Variants in CHD6 observed in about 807,000 individuals in gnomAD.
The protein encoded by CHD6 is chromodomain helicase DNA binding protein 6.
A neutral mutation model predicts 276.9 loss-of-function variants in CHD6; 50 were observed. The observed-to-expected ratio is 0.18, with a 90% CI of 0.14 to 0.23. The LOEUF is 0.23. Among genes scored for constraint, CHD6 ranks in the 10% least tolerant of loss-of-function variants. CHD6 has a pLI of 1.00. For synonymous variants in CHD6, 1,173 were observed against 1,229.3 expected (o/e 0.95, Z 0.96); for missense variants, 2,564 against 3,365.8 (o/e 0.76, Z 5.89).
chr20:41,484,091 C>T (rs531089912), intron 15 of CHD6, among the ~76,000 whole-genome samples: 3 of 152,202 alleles, frequency 2.0e-5, no homozygotes, highest in African/African-American at 4.8e-5. Flanking sequence ...TGATATCCAT[C>T]TTCTGCCCGG....
intron 6 of CHD6, 58 bp from the exon 7 acceptor site, chr20:41,498,284 G>T: frequency 1.6e-6 from 2 of 1,239,866 alleles, no homozygotes; most frequent in Non-Finnish European, 2.3e-6. Context: ...CCCTTACTGA[G>T]CCAAAAGAAA....
Position 41,580,462 on chromosome 20 carries a change from C to T in CHD6, c.-23-29102G>A, listed in dbSNP as rs905794922. ...TTGAGCCCAGAAGATCAAGACCATA[C>T]TGGGCAACATAAGGACGCCCCATCT... On this transcript the variant is annotated intron_variant, in intron 1 of 36. Coordinates refer to ENST00000373233, the MANE Select transcript of CHD6 (RefSeq NM_032221.5). Among the ~76,000 whole-genome samples, 3 of 151,762 alleles carry T rather than the reference C, an allele frequency of 2.0e-5. No homozygotes were observed. In the South Asian group the frequency reaches 6.2e-4, roughly 31 times the overall value.
At chr20:41,407,712 G>A (rs2046720050) in intron 36 of CHD6, among the ~76,000 whole-genome samples, 1 of 152,208 alleles carries the variant, frequency 6.6e-6, no homozygotes. Context: ...GGCCCCAAAT[G>A]AGCAGCAGCT....
At chr20:41,507,966 C>G (rs2044017597) in intron 5 of CHD6, among the ~76,000 whole-genome samples, 1 of 152,060 alleles carries the variant, frequency 6.6e-6, no homozygotes, top group Non-Finnish European at 1.5e-5. Flanking sequence ...AGCTTGATGC[C>G]CAGTTTCAAG....
At chr20:41,554,815 A>G (rs1405062636) in intron 1 of CHD6, among the ~76,000 whole-genome samples, 1 of 152,148 alleles carries the variant, frequency 6.6e-6, no homozygotes, top group Non-Finnish European at 1.5e-5. Flanking sequence ...CCGATTTCTC[A>G]ATGTTTTCCC....
intron 14 of CHD6, chr20:41,486,092 A>G (rs2145841948): frequency 6.6e-6 from 1 of 152,338 alleles, no homozygotes; most frequent in Admixed American, 6.5e-5. Flanking sequence ...AAGGGTACTT[A>G]GAAATCGAAT....
chr20:41,607,087 T>A (rs1428845307), intron 1 of CHD6, among the ~76,000 whole-genome samples: 2 of 152,140 alleles, frequency 1.3e-5, no homozygotes, highest in African/African-American at 4.8e-5. Flanking sequence ...CACCTACCAG[T>A]ACTCCATGGC....
At chr20:41,472,241 CAA>C (rs11360480) in intron 17 of CHD6, among the ~76,000 whole-genome samples, 37 of 125,816 alleles carry the variant, frequency 2.9e-4, no homozygotes, top group Admixed American at 4.7e-4. Flanking sequence ...GACTCTGTCT[CAA>C]AAAAAAAAAA....
intron 1 of CHD6, among the ~76,000 whole-genome samples, chr20:41,565,684 G>A (rs1010046917): frequency 2.4e-5 from 3 of 127,090 alleles, no homozygotes; most frequent in African/African-American, 6.9e-5. Context: ...ATTCCAATTC[G>A]GCTCTCTTAG....
At chr20:41,591,847 C>T (rs1243466165) in intron 1 of CHD6, among the ~76,000 whole-genome samples, 1 of 152,134 alleles carries the variant, frequency 6.6e-6, no homozygotes, top group East Asian at 1.9e-4. Context: ...CGCCTGTAAT[C>T]GCAGCCCTCT....
intron 1 of CHD6, among the ~76,000 whole-genome samples, chr20:41,617,099 T>C (rs1391550876): frequency 2.6e-5 from 4 of 152,280 alleles, no homozygotes; most frequent in Non-Finnish European, 4.4e-5. Flanking sequence ...CTGAAAACTG[T>C]AAATATTTAA....
chr20:41,583,421 C>T lies in CHD6; in HGVS notation c.-23-32061G>A, dbSNP rs148106575. On this transcript the variant is annotated intron_variant, in intron 1 of 36. Transcript: ENST00000373233. Reference sequence around the variant, plus strand: ...AGGAAAAAAAAAACACACCTCACAACGCAGAAATATCTCCCCAAAATGAAA... The same window carrying T: ...AGGAAAAAAAAAACACACCTCACAATGCAGAAATATCTCCCCAAAATGAAA... Among the ~76,000 whole-genome samples, 243 of 150,520 alleles carry T rather than the reference C, an allele frequency of 1.6e-3. 2 individuals are homozygous for T. The highest frequency in any genetic ancestry group is 3.6e-3 in the Admixed American group (55 of 15,114).
chr20:41,554,457 A>C (rs2045191564), intron 1 of CHD6, among the ~76,000 whole-genome samples: 1 of 151,592 alleles, frequency 6.6e-6, no homozygotes, highest in South Asian at 2.1e-4. Context: ...TGGCAGGGTC[A>C]TAGGACAATA....
At chr20:41,616,652 T>G (rs1438902914) in intron 1 of CHD6, among the ~76,000 whole-genome samples, 1 of 152,170 alleles carries the variant, frequency 6.6e-6, no homozygotes, top group Non-Finnish European at 1.5e-5. Flanking sequence ...ATCTTACCAC[T>G]CCGCATTTTC....
intron 2 of CHD6, among the ~76,000 whole-genome samples, chr20:41,534,815 G>T (rs1271207501): frequency 6.6e-6 from 1 of 152,116 alleles, no homozygotes; most frequent in Non-Finnish European, 1.5e-5. Flanking sequence ...CAAAAAAAAT[G>T]GTTAAGGTGG....
intron 3 of CHD6, among the ~76,000 whole-genome samples, chr20:41,515,900 C>T (rs2044239002): frequency 6.6e-6 from 1 of 152,122 alleles, no homozygotes; most frequent in Non-Finnish European, 1.5e-5. Context: ...TTAAGCAAGC[C>T]TTAAAACTGC....
intron 1 of CHD6, among the ~76,000 whole-genome samples, chr20:41,557,234 T>G (rs554758210): frequency 6.6e-6 from 1 of 152,242 alleles, no homozygotes; most frequent in Non-Finnish European, 1.5e-5. Flanking sequence ...GCATTATGTA[T>G]GAGTGCTTCC....
At position 41,514,770 on chromosome 20, in the gene CHD6, G is replaced by A. The variant is rs1298897152; in HGVS notation, c.702+35C>T. The A allele has an allele frequency of 3.7e-6, 6 of 1,608,192 alleles. No homozygotes were observed. In the East Asian group the frequency reaches 6.7e-5, roughly 18 times the overall value. ...GTCAGCCAGATCCCATCCAGGAGCC[G>A]TAATCTCCACCAGGCCTCCCGGTCA... On this transcript the variant is annotated intron_variant, in intron 4 of 36. Transcript: ENST00000373233.
At chr20:41,425,600 C>A (rs946442045) in intron 28 of CHD6, among the ~76,000 whole-genome samples, 1 of 152,150 alleles carries the variant, frequency 6.6e-6, no homozygotes, top group Admixed American at 6.5e-5. Flanking sequence ...TCAATTAATT[C>A]TGTTATCTCT....
Sources: allele counts gnomAD v4.1 joint callset (sites outside exome capture counted in the v4.1 genomes callset), GRCh38; gene constraint gnomAD v4.1.1; transcripts MANE v1.5; gene names NCBI Gene and HGNC (gene_info 2026-07-23, HGNC 2026-07-21).